Variants in DAOA observed in about 807,000 individuals in gnomAD.
The protein encoded by DAOA is D-amino acid oxidase regulator.
In DAOA, 15 loss-of-function variants were observed where a neutral mutation model predicts 16.4. The ratio of observed to expected loss-of-function variants is 0.91; its 90% CI spans 0.61 to 1.41. DAOA has a LOEUF of 1.41. DAOA is among the 40% of genes most tolerant of loss of function. The probability of loss-of-function intolerance (pLI) is 0.00; values close to 1 mark genes in which losing one functional copy is unlikely to be tolerated. For synonymous variants in DAOA, 75 were observed against 59.1 expected (o/e 1.27, Z -1.23); for missense variants, 230 against 176.8 (o/e 1.30, Z -1.71).
intron 4 of DAOA, among the ~76,000 whole-genome samples, chr13:105,485,193 C>T (rs930679023): frequency 6.6e-6 from 1 of 152,198 alleles, no homozygotes; most frequent in Non-Finnish European, 1.5e-5. Flanking sequence ...ATGACTCCCA[C>T]ACTTATCTCT....
Position 105,467,136 on chromosome 13 carries a change from C to T in DAOA, c.128C>T (p.Ser43Phe). Residue 43 changes from serine (S) to phenylalanine (F), a missense_variant, in exon 3 of 6, where the codon TCT (serine) becomes TTT (phenylalanine). By Grantham distance (155) the Ser-to-Phe change is radical (BLOSUM62 -2). Transcript: ENST00000375936. ...AGCAAATCTGAAAACTCTCTAAACT[C>T]TATTGGTATGTTACTCTTTATCTTT... is the stretch of plus-strand genomic sequence containing the variant. ...LLSKSENSLN[S>F]IAKETEEGRE... The T allele has an allele frequency of 6.2e-7, 1 of 1,606,682 alleles. No individual in the cohort carries two copies. Among genetic ancestry groups the T allele is most frequent in the South Asian group, 1.1e-5 (1 of 90,050 alleles).
At chr13:105,475,221 G>T (rs981371310) in intron 4 of DAOA, among the ~76,000 whole-genome samples, 3 of 152,014 alleles carry the variant, frequency 2.0e-5, no homozygotes, top group Non-Finnish European at 4.4e-5. Context: ...GACAAAAAAC[G>T]TAATTGGATC....
At chr13:105,481,146 A>G (rs1877717857) in intron 4 of DAOA, among the ~76,000 whole-genome samples, 1 of 152,186 alleles carries the variant, frequency 6.6e-6, no homozygotes, top group African/African-American at 2.4e-5. Context: ...CTCCTTGGAA[A>G]CATATTAATT....
intron 3 of DAOA, among the ~76,000 whole-genome samples, chr13:105,470,621 T>A (rs527279657): frequency 2.6e-5 from 4 of 152,194 alleles, no homozygotes; most frequent in Non-Finnish European, 5.9e-5. Context: ...TTATTTTAAA[T>A]TATTTTGAGA....
intron 4 of DAOA, 93 bp from the exon 5 acceptor site, chr13:105,489,808 C>G (rs764634188): frequency 6.2e-7 from 1 of 1,612,084 alleles, no homozygotes; most frequent in East Asian, 2.2e-5. Context: ...GGACTTCTAA[C>G]CAATGGAACA....
Position 105,485,325 on chromosome 13 carries a change from C to T in DAOA, c.282-4576C>T, listed in dbSNP as rs1453492158. Among the ~76,000 whole-genome samples, 4 of 152,266 alleles carry T rather than the reference C, an allele frequency of 2.6e-5. No individual in the cohort carries two copies. In the East Asian group the frequency reaches 5.8e-4, roughly 22 times the overall value. On this transcript the variant is annotated intron_variant, in intron 4 of 5. Transcript: ENST00000375936. ...TCAAAAAAATGAACCCATGCTCAAC[C>T]CACCACTTACTTGATCCGTTGGATT...
intron 4 of DAOA, among the ~76,000 whole-genome samples, chr13:105,488,193 C>T (rs1397621214): frequency 6.6e-6 from 1 of 152,110 alleles, no homozygotes; most frequent in Non-Finnish European, 1.5e-5. Context: ...TCCTCCAACC[C>T]CCAACCTGCC....
At chr13:105,484,787 GCCTTTTATTTAT>G (rs1877997384) in intron 4 of DAOA, among the ~76,000 whole-genome samples, 1 of 152,062 alleles carries the variant, frequency 6.6e-6, no homozygotes, top group Non-Finnish European at 1.5e-5. Context: ...CAATTTGGAT[GCCTTTTATTTAT>G]TGCTGCCTTA....
intron 4 of DAOA, among the ~76,000 whole-genome samples, chr13:105,473,818 A>G (rs1438281930): frequency 1.3e-5 from 2 of 152,124 alleles, no homozygotes; most frequent in African/African-American, 2.4e-5. Flanking sequence ...CTCATTTTCA[A>G]TCTAGAGTTC....
In DAOA at chr13:105,484,448, TA is replaced by T. The variant is rs1348693180; in HGVS notation, c.282-5448del. ...TTAAGAATATTATCTTCCAACCCATTAAAAATGTATCTTTCTGCATTTATTT... is the reference window on the plus strand; with the variant it reads ...TTAAGAATATTATCTTCCAACCCATTAAAATGTATCTTTCTGCATTTATTT... On this transcript the variant is annotated intron_variant, in intron 4 of 5. Coordinates refer to ENST00000375936, the MANE Select transcript of DAOA (RefSeq NM_172370.5). Among the ~76,000 whole-genome samples the T allele has an allele frequency of 4.6e-5, 7 of 152,278 alleles. No homozygotes were observed. In the South Asian group the frequency reaches 1.5e-3, roughly 32 times the overall value.
intron 2 of DAOA, 21 bp from the exon 3 acceptor site, chr13:105,467,032 G>C (rs1876570580): frequency 6.2e-7 from 1 of 1,606,252 alleles, no homozygotes. Context: ...GAACACGACT[G>C]ATATTTTCTT....
At chr13:105,481,358 A>T (rs1468238150) in intron 4 of DAOA, among the ~76,000 whole-genome samples, 1 of 152,192 alleles carries the variant, frequency 6.6e-6, no homozygotes, top group Non-Finnish European at 1.5e-5. Flanking sequence ...CATTGTTCAC[A>T]GTACCACAGG....
At chr13:105,469,397 T>C (rs1024061413) in intron 3 of DAOA, among the ~76,000 whole-genome samples, 1 of 152,212 alleles carries the variant, frequency 6.6e-6, no homozygotes, top group Non-Finnish European at 1.5e-5. Context: ...GTAAAAGAAA[T>C]TCACATTATC....
chr13:105,487,327 T>A (rs1213722086), intron 4 of DAOA, among the ~76,000 whole-genome samples: 1 of 152,110 alleles, frequency 6.6e-6, no homozygotes, highest in African/African-American at 2.4e-5. Context: ...TGTTCTTTTT[T>A]AAAAAAGTGA....
At chr13:105,483,493 T>C (rs1189081954) in intron 4 of DAOA, among the ~76,000 whole-genome samples, 3 of 152,198 alleles carry the variant, frequency 2.0e-5, no homozygotes, top group Non-Finnish European at 4.4e-5. Context: ...AGTGTTCTAG[T>C]TTCTCCATAT....
intron 4 of DAOA, among the ~76,000 whole-genome samples, chr13:105,478,308 T>C (rs1877484382): frequency 6.6e-6 from 1 of 152,240 alleles, no homozygotes. Context: ...TGCAATTGTG[T>C]GGTTTACTGG....
intron 3 of DAOA, among the ~76,000 whole-genome samples, chr13:105,468,054 C>T (rs1876661571): frequency 1.3e-5 from 2 of 152,224 alleles, no homozygotes; most frequent in East Asian, 3.9e-4. Flanking sequence ...TGGCTCGTGG[C>T]CTGCCCTCTG....
In DAOA at chr13:105,466,264, G is replaced by T. The variant is rs1294962994; in HGVS notation, c.-25G>T. 1 of 1,613,918 alleles carries T rather than the reference G, an allele frequency of 6.2e-7. No individual in the cohort carries two copies. The highest frequency in any genetic ancestry group is 1.7e-5 in the Admixed American group (1 of 59,996). ...GGTCTCATCTCTGCTTCACAATGCC[G>T]ATGATTTAGCTGGGAGGACCCAAAA... On this transcript the variant is annotated 5_prime_UTR_variant, in exon 2 of 6. Transcript: ENST00000375936.
At chr13:105,489,020 GACAA>G (rs1262624850) in intron 4 of DAOA, among the ~76,000 whole-genome samples, 1 of 152,180 alleles carries the variant, frequency 6.6e-6, no homozygotes, top group African/African-American at 2.4e-5. Context: ...CACCAGGAGA[GACAA>G]ACAGTGTGAA....
Sources: allele counts gnomAD v4.1 joint callset (sites outside exome capture counted in the v4.1 genomes callset), GRCh38; gene constraint gnomAD v4.1.1; transcripts MANE v1.5; gene names NCBI Gene and HGNC (gene_info 2026-07-23, HGNC 2026-07-21).